The following ERN1 variants were observed in gnomAD, a reference collection of about 807,000 sequenced individuals.
ERN1 encodes the protein endoplasmic reticulum to nucleus signaling 1.
Under a neutral mutation model 113.1 loss-of-function variants are expected in ERN1, and 39 were observed. That is an observed-to-expected ratio of 0.34 (90% CI 0.27 to 0.45). The LOEUF (loss-of-function observed/expected upper bound fraction) is 0.45. Ranked by LOEUF, ERN1 falls within the 20% of genes least tolerant of loss-of-function variation. The pLI is 1.00. For missense variants in ERN1, 976 were observed against 1,274.8 expected, an observed-to-expected ratio of 0.77 and a Z score of 3.57; for synonymous variants, 507 against 515.9, an observed-to-expected ratio of 0.98 and a Z score of 0.23.
chr17:64,109,626 C>G lies in ERN1; in HGVS notation c.55-11385G>C, dbSNP rs147848241. Among the ~76,000 whole-genome samples the G allele has an allele frequency of 4.6e-3, 708 of 152,302 alleles. 6 individuals are homozygous for G. The highest frequency in any genetic ancestry group is 0.027 in the East Asian group (139 of 5,182). On this transcript the variant is annotated intron_variant, in intron 1 of 21. Transcript: ENST00000433197. ...CAGATCAACCAGTAGGGACTGTTTACTGCTTCTGGGATGTGTAATTTTTGA... is the reference window on the plus strand; with the variant it reads ...CAGATCAACCAGTAGGGACTGTTTAGTGCTTCTGGGATGTGTAATTTTTGA...
At chr17:64,053,074 C>A in intron 16 of ERN1, 95 bp from the exon 17 acceptor site, 1 of 1,040,114 alleles carries the variant, frequency 9.6e-7, no homozygotes, top group Non-Finnish European at 1.4e-6. Flanking sequence ...CCCAATATGC[C>A]TGCCGCCACC....
At chr17:64,126,969 T>C (rs955568249) in intron 1 of ERN1, among the ~76,000 whole-genome samples, 15 of 152,160 alleles carry the variant, frequency 9.9e-5, no homozygotes, top group Admixed American at 2.0e-4. Context: ...TCTTTGGTAA[T>C]TGAGAGATGT....
chr17:64,101,207 G>A (rs1257766254), intron 1 of ERN1, among the ~76,000 whole-genome samples: 2 of 152,256 alleles, frequency 1.3e-5, no homozygotes, highest in East Asian at 1.9e-4. Flanking sequence ...TCAGATGTTC[G>A]AGACCAGCCT....
chr17:64,079,445 C>T lies in ERN1; in HGVS notation c.282+217G>A, dbSNP rs555861202. On this transcript the variant is annotated intron_variant, in intron 4 of 21. Coordinates refer to ENST00000433197, the MANE Select transcript of ERN1 (RefSeq NM_001433.5). ...CCATGAGAACCTGCTGGTCTGCATC[C>T]GTGTTTCTGAACTCTGGCACCACAT... 4.9e-4 allele frequency among the ~76,000 whole-genome samples: 74 copies of T among 152,264 alleles called. 2 individuals are homozygous for T. In the South Asian group the frequency reaches 0.013, roughly 28 times the overall value.
chr17:64,065,114 T>C, intron 9 of ERN1, 95 bp downstream of exon 9: 2 of 766,348 alleles, frequency 2.6e-6, no homozygotes, highest in South Asian at 3.8e-5. Context: ...TTTTTCATTC[T>C]TAACCTGCAG....
At chr17:64,116,190 T>C (rs1163545792) in intron 1 of ERN1, among the ~76,000 whole-genome samples, 1 of 152,162 alleles carries the variant, frequency 6.6e-6, no homozygotes, top group Non-Finnish European at 1.5e-5. Context: ...CTATAGACTC[T>C]AAAAGCAACC....
rs1342683777 is a variant in ERN1, at chr17:64,043,529, AT to A, written c.*458del. ...GAACTCCGTCCTCCCCCTCCTCAGC[AT>A]CCCCCACCTCTCAATTCCGGTCTCC... On this transcript the variant is annotated 3_prime_UTR_variant, in exon 22 of 22. Coordinates refer to ENST00000433197, the MANE Select transcript of ERN1 (RefSeq NM_001433.5). 6.4e-6 allele frequency: 1 copy of A among 155,356 alleles called. No homozygotes were observed. Among genetic ancestry groups the A allele is most frequent in the African/African-American group, 2.4e-5 (1 of 41,534 alleles). The allele number at this position is 155,356 out of a possible 1,614,324, so 9.6% of individuals were successfully genotyped here.
chr17:64,078,792 C>T (rs992613251), intron 4 of ERN1, among the ~76,000 whole-genome samples: 2 of 152,074 alleles, frequency 1.3e-5, no homozygotes, highest in Non-Finnish European at 2.9e-5. Context: ...ATCGCTTGAG[C>T]CCAGAAGTTG....
intron 2 of ERN1, among the ~76,000 whole-genome samples, chr17:64,090,477 C>A (rs553667651): frequency 6.6e-6 from 1 of 152,270 alleles, no homozygotes; most frequent in Non-Finnish European, 1.5e-5. Flanking sequence ...AGCCTGTGTC[C>A]AAATGCCTCT....
chr17:64,081,672 C>T (rs1259271441), intron 2 of ERN1, among the ~76,000 whole-genome samples: 2 of 152,176 alleles, frequency 1.3e-5, no homozygotes, highest in Admixed American at 1.3e-4. Context: ...AAATGCAACT[C>T]CCCCCAACCT....
chr17:64,040,960 A>C lies in ERN1; in HGVS notation c.*3028T>G, dbSNP rs1485012700. ...GGAGATCGAGACCATCCTGCCTAAC[A>C]TGGGGAAACCCCGTCTCTACTAAAA... On this transcript the variant is annotated 3_prime_UTR_variant, in exon 22 of 22. Transcript: ENST00000433197. 6.6e-6 allele frequency: 1 copy of C among 152,126 alleles called. No homozygotes were observed. Among genetic ancestry groups the C allele is most frequent in the Non-Finnish European group, 1.5e-5 (1 of 68,038 alleles). The allele number at this position is 152,126 out of a possible 1,614,324, so 9.4% of individuals were successfully genotyped here. A position where few individuals can be genotyped will look rare whatever the true frequency, so the allele number is the denominator to read the frequency against.
At chr17:64,047,380 T>C (rs547370809) in intron 19 of ERN1, among the ~76,000 whole-genome samples, 7 of 152,008 alleles carry the variant, frequency 4.6e-5, no homozygotes, top group Non-Finnish European at 2.9e-5. Flanking sequence ...TAAAAATAAA[T>C]AAATAAGCTT....
chr17:64,067,012 A>C lies in ERN1; in HGVS notation c.581-80T>G, dbSNP rs113865633. 6.8e-4 allele frequency: 1,007 copies of C among 1,475,094 alleles called. 2 individuals carry two copies. In the African/African-American group the frequency reaches 0.013, roughly 18 times the overall value. 91.4% of individuals were successfully genotyped at this position (1,475,094 alleles called of 1,614,324 possible). ...ATCCTCTACTCTTGTGGCAGGCTCT[A>C]GTCACTCAGTTAGAGGAAACAAGAC... On this transcript the variant is annotated intron_variant, in intron 7 of 21. Coordinates refer to ENST00000433197, the MANE Select transcript of ERN1 (RefSeq NM_001433.5).
At chr17:64,122,369 C>T (rs541047208) in intron 1 of ERN1, among the ~76,000 whole-genome samples, 5 of 152,186 alleles carry the variant, frequency 3.3e-5, no homozygotes, top group South Asian at 4.2e-4. Context: ...GAGGGATGTG[C>T]GCCATATTTC....
In ERN1 at chr17:64,057,901, G is replaced by A. The variant is rs756306247; in HGVS notation, c.1299C>T (p.Pro433=). The A allele has an allele frequency of 7.4e-6, 12 of 1,612,884 alleles. No homozygotes were observed. Among genetic ancestry groups the A allele is most frequent in the South Asian group, 4.4e-5 (4 of 90,832 alleles). The part of the protein sequence containing the change: ...EEKPAHAPAR[P]EAPVDSMLKD... ...TAAGCATGGAGTCCACGGGGGCCTC[G>A]GGCCGGGCAGGGGCATGGGCGGGCT... The change falls in exon 12 of 22, where the codon CCC becomes CCT. Residue 433 remains proline, a synonymous_variant. Coordinates refer to ENST00000433197, the MANE Select transcript of ERN1 (RefSeq NM_001433.5).
At position 64,039,212 on chromosome 17, in the gene ERN1, C is replaced by A. The variant is rs1488413041; in HGVS notation, c.*4776G>T. ...TGCCGCCATCAGCAGAATTATAAAA[C>A]TGTACAGGAGGCACAAAAATAGGCT... On this transcript the variant is annotated 3_prime_UTR_variant, in exon 22 of 22. Coordinates refer to ENST00000433197, the MANE Select transcript of ERN1 (RefSeq NM_001433.5). The A allele has an allele frequency of 6.6e-6, 1 of 152,216 alleles. No homozygotes were observed. Among genetic ancestry groups the A allele is most frequent in the Admixed American group, 6.5e-5 (1 of 15,284 alleles). 9.4% of individuals were successfully genotyped at this position (152,216 alleles called of 1,614,324 possible). A position where few individuals can be genotyped will look rare whatever the true frequency, so the allele number is the denominator to read the frequency against.
At position 64,039,713 on chromosome 17, in the gene ERN1, G is replaced by A. The variant is rs1912279379; in HGVS notation, c.*4275C>T. On this transcript the variant is annotated 3_prime_UTR_variant, in exon 22 of 22. Coordinates refer to ENST00000433197, the MANE Select transcript of ERN1 (RefSeq NM_001433.5). The stretch of plus-strand genomic sequence containing the variant: ...GGTTTACATCTGAGAATGCAGAGTA[G>A]GTGACTGGTAATGCTTTCTAGGTAA... 1 of 152,202 alleles carries A rather than the reference G, an allele frequency of 6.6e-6. No homozygotes were observed. The highest frequency in any genetic ancestry group is 1.5e-5 in the Non-Finnish European group (1 of 68,044). 9.4% of individuals were successfully genotyped at this position (152,202 alleles called of 1,614,324 possible).
intron 8 of ERN1, among the ~76,000 whole-genome samples, chr17:64,065,745 G>A (rs766556243): frequency 6.6e-6 from 1 of 152,124 alleles, no homozygotes; most frequent in Non-Finnish European, 1.5e-5. Context: ...CAGAACTCCT[G>A]AGAAATGGTC....
In ERN1 at chr17:64,049,214, C is replaced by A; in HGVS notation, c.2254-12G>T. 6.4e-7 allele frequency: 1 copy of A among 1,567,576 alleles called. No homozygotes were observed. The highest frequency in any genetic ancestry group is 1.1e-5 in the South Asian group (1 of 87,670). ...TCCACCGTGTAGGTCTGAAAAGAGA[C>A]ATGAGGCGTGAGAGGTCTGGGAGCA... is the stretch of plus-strand genomic sequence containing the variant. On this transcript the variant is annotated splice_polypyrimidine_tract_variant and intron_variant, in intron 17 of 21. Coordinates refer to ENST00000433197, the MANE Select transcript of ERN1 (RefSeq NM_001433.5). The surrounding 1 kb of genome is among the most constrained non-coding windows in gnomAD (Gnocchi z 4.7).
Sources: gnomAD v4.1 joint callset for allele counts (sites outside exome capture counted in the v4.1 genomes callset) on GRCh38, gnomAD v4.1.1 for gene constraint, Gnocchi (gnomAD v3.1) non-coding constraint, MANE v1.5 for transcripts, NCBI Gene and HGNC (gene_info 2026-07-23, HGNC 2026-07-21) for gene names.